The following DLG5 variants were observed in gnomAD, a reference collection of about 807,000 sequenced individuals.
DLG5 encodes the protein disks large homolog 5.
A neutral mutation model predicts 189.8 loss-of-function variants in DLG5; 48 were observed. The observed-to-expected ratio is 0.25, with a 90% CI of 0.20 to 0.32. The LOEUF (loss-of-function observed/expected upper bound fraction) is 0.32, where lower values mean the gene tolerates loss of function less well. Among genes scored for constraint, DLG5 ranks in the 10% least tolerant of loss-of-function variants. DLG5 has a pLI of 1.00. For missense variants in DLG5, 2,160 were observed against 2,544.7 expected (o/e 0.85, Z 3.25); for synonymous variants, 1,016 against 1,054.1 (o/e 0.96, Z 0.70).
chr10:77,933,275 G>GT, the DLG5 span, among the ~76,000 whole-genome samples: 1 of 151,688 alleles, frequency 6.6e-6, no homozygotes, highest in Non-Finnish European at 1.5e-5. Context: ...TTGGGTTTTT[G>GT]TTTTTGTTTT....
chr10:77,902,464 G>A (rs1161337537), intron 1 of DLG5, among the ~76,000 whole-genome samples: 2 of 152,154 alleles, frequency 1.3e-5, no homozygotes, highest in Non-Finnish European at 2.9e-5. Context: ...GTGATGCACC[G>A]CAGCATTGTA....
chr10:77,837,671 C>T (rs1399110226), intron 7 of DLG5, among the ~76,000 whole-genome samples: 2 of 152,250 alleles, frequency 1.3e-5, no homozygotes, highest in Non-Finnish European at 2.9e-5. Flanking sequence ...TCTGATTACA[C>T]TGGTGAGGAA....
chr10:77,794,911 G>A lies in DLG5; in HGVS notation c.5484C>T (p.Leu1828=). ...LDIAPHAIER[L]HHMHIYPIVI... is the part of the protein sequence containing the mutation. The stretch of plus-strand genomic sequence containing the variant: ...CAATGGGGTAGATGTGCATGTGGTG[G>A]AGCCGCTCAATAGCGTGCGGAGCAA... Residue 1828 remains leucine (L), a synonymous_variant, in exon 30 of 32, where the codon CTC becomes CTT. Transcript: ENST00000372391. 1.2e-6 allele frequency: 2 copies of A among 1,614,062 alleles called. No individual in the cohort carries two copies. Among genetic ancestry groups the A allele is most frequent in the South Asian group, 1.1e-5 (1 of 91,080 alleles).
Position 77,807,019 on chromosome 10 carries a change from C to G in DLG5, c.4797-91G>C. 4.1e-6 allele frequency: 6 copies of G among 1,445,860 alleles called. 1 individual carries two copies. In the South Asian group the frequency reaches 7.6e-5, roughly 18 times the overall value. The allele number at this position is 1,445,860 out of a possible 1,614,324, so 89.6% of individuals were successfully genotyped here. The stretch of plus-strand genomic sequence containing the variant: ...TCTGTGGCCAGGCCCCTAAGGCTGC[C>G]ATTCTGCTTTGGGCTGTCTCCAAAC... On this transcript the variant is annotated intron_variant, in intron 25 of 31. Transcript: ENST00000372391.
intron 17 of DLG5, 56 bp from the exon 18 acceptor site, chr10:77,817,945 C>A: frequency 7.1e-7 from 1 of 1,412,894 alleles, no homozygotes; most frequent in Non-Finnish European, 9.7e-7. Context: ...CAGATGTGGC[C>A]ACTGGGGAGA....
In DLG5 at chr10:77,811,232, G is replaced by A; in HGVS notation, c.4325C>T (p.Ser1442Leu). The A allele has an allele frequency of 6.2e-7, 1 of 1,612,718 alleles. No individual in the cohort carries two copies. Among genetic ancestry groups the A allele is most frequent in the Non-Finnish European group, 8.5e-7 (1 of 1,179,702 alleles). The change falls in exon 23 of 32, where the codon TCA (serine) becomes TTA (leucine). Residue 1442 changes from serine to leucine, a missense_variant and splice_region_variant. By Grantham distance (145) the Ser-to-Leu change is moderately radical. This residue lies in a region of DLG5 where 574 missense variants were observed against 644.2 expected (regional missense o/e 0.89). Transcript: ENST00000372391. Reference protein sequence around the residue: ...HQLSSHSRSSSHLDPAGTHST... With the variant: ...HQLSSHSRSSLHLDPAGTHST... ...GTGGGTACCGGCAGGGTCCAGGTGT[G>A]AGCTGGAGGCGGAGGACAGGAGGGA... is the stretch of plus-strand genomic sequence containing the variant.
chr10:77,845,631 A>C (rs1355176463), intron 5 of DLG5, among the ~76,000 whole-genome samples: 1 of 150,670 alleles, frequency 6.6e-6, no homozygotes, highest in Non-Finnish European at 1.5e-5. Flanking sequence ...AAGGAAGGGG[A>C]GGAGAAAGAG....
chr10:77,841,145 T>C (rs570174840), intron 7 of DLG5, among the ~76,000 whole-genome samples: 1 of 152,268 alleles, frequency 6.6e-6, no homozygotes, highest in Admixed American at 6.5e-5. Context: ...CAACACAGAC[T>C]GAAGGGAATC....
At chr10:77,856,654 TGG>T in intron 3 of DLG5, 74 bp downstream of exon 3, 2 of 1,561,004 alleles carry the variant, frequency 1.3e-6, no homozygotes. Flanking sequence ...CAGGGGTGTT[TGG>T]GGGTGACAGC....
At chr10:77,864,189 C>A (rs1333505979) in intron 2 of DLG5, among the ~76,000 whole-genome samples, 2 of 152,110 alleles carry the variant, frequency 1.3e-5, no homozygotes, top group Non-Finnish European at 2.9e-5. Flanking sequence ...TTGTCCTGGG[C>A]TCCCTCACTG....
intron 13 of DLG5, among the ~76,000 whole-genome samples, chr10:77,824,916 G>A (rs960239954): frequency 1.3e-5 from 2 of 152,146 alleles, no homozygotes; most frequent in African/African-American, 4.8e-5. Context: ...AAAGTACCAC[G>A]CGAAGTGGGG....
chr10:77,820,374 G>C, intron 15 of DLG5: 1 of 183,192 alleles, frequency 5.5e-6, no homozygotes. Flanking sequence ...AAACCAAACA[G>C]TGGAACGCTT....
chr10:77,815,471 C>A (rs1375960376), intron 20 of DLG5, among the ~76,000 whole-genome samples: 1 of 152,140 alleles, frequency 6.6e-6, no homozygotes, highest in Non-Finnish European at 1.5e-5. Context: ...ATAAGCTTGA[C>A]CAACATGGTG....
intron 13 of DLG5, 161 bp from the exon 14 acceptor site, chr10:77,824,637 A>G (rs755912059): frequency 1.7e-6 from 1 of 596,128 alleles, no homozygotes; most frequent in Non-Finnish European, 3.0e-6. Flanking sequence ...GTGAGGCCCA[A>G]GGAGTCCAAC....
intron 31 of DLG5, 199 bp downstream of exon 31, chr10:77,793,809 C>T (rs1840764328): frequency 8.3e-6 from 5 of 599,224 alleles, no homozygotes; most frequent in Middle Eastern, 3.4e-4. Flanking sequence ...GATCGGTGAG[C>T]TTAACATTCA....
intron 20 of DLG5, among the ~76,000 whole-genome samples, chr10:77,815,545 A>C (rs867411939): frequency 8.5e-5 from 13 of 152,286 alleles, no homozygotes; most frequent in Non-Finnish European, 1.3e-4. Context: ...CTGTAATCTC[A>C]GCTACTCAGG....
In DLG5 at chr10:77,821,367, C is replaced by T. The variant is rs1258042586; in HGVS notation, c.3117G>A (p.Val1039=). Residue 1039 remains valine, a synonymous_variant, in exon 15 of 32, where the codon GTG becomes GTA. Transcript: ENST00000372391. ...ETSSESEATL[V]GSSPSTSPPS... ...GGGGACTAGTGGATGGGGAGCTGCC[C>T]ACCAGAGTGGCTTCTGACTCGGAGC... The T allele has an allele frequency of 3.7e-6, 6 of 1,612,738 alleles. No homozygotes were observed. The highest frequency in any genetic ancestry group is 5.1e-6 in the Non-Finnish European group (6 of 1,179,978).
rs77034618 is a variant in DLG5 at position 77,911,765 on chromosome 10, G to A, written c.304+14452C>T. On this transcript the variant is annotated intron_variant, in intron 1 of 31. Transcript: ENST00000372391. ...TGAGTCAGAGATGGCCATCTCTAAT[G>A]GCACCGCTTTCCACACGGGCAGCCC... Among the ~76,000 whole-genome samples the A allele has an allele frequency of 8.0e-4, 122 of 152,230 alleles. 1 individual carries two copies. The East Asian group carries it at 0.022, about 27-fold the overall frequency.
chr10:77,835,514 T>C (rs181972393), intron 8 of DLG5, among the ~76,000 whole-genome samples: 1 of 152,320 alleles, frequency 6.6e-6, no homozygotes, highest in African/African-American at 2.4e-5. Context: ...TAGTACACAC[T>C]TGGGACACCT....
Sources: gnomAD v4.1 joint callset for allele counts (sites outside exome capture counted in the v4.1 genomes callset) on GRCh38, gnomAD v4.1.1 for gene constraint, gnomAD v4.1.1 regional missense constraint, MANE v1.5 for transcripts, NCBI Gene and HGNC (gene_info 2026-07-23, HGNC 2026-07-21) for gene names.